FRMD5: variants seen among roughly 807,000 people sequenced by gnomAD.
FRMD5 encodes the protein FERM domain-containing protein 5.
Under a neutral mutation model 69.0 loss-of-function variants are expected in FRMD5, and 20 were observed. The observed-to-expected ratio is 0.29, with a 90% CI of 0.20 to 0.42. The LOEUF (loss-of-function observed/expected upper bound fraction) is 0.42. FRMD5 is among the 10% of genes least tolerant of loss of function. The probability of loss-of-function intolerance (pLI) is 1.00; values close to 1 mark genes in which losing one functional copy is unlikely to be tolerated. For synonymous variants in FRMD5, 271 were observed against 260.1 expected (o/e 1.04, Z -0.40); for missense variants, 595 against 708.6 (o/e 0.84, Z 1.82).
At chr15:43,990,634 G>A (rs1212552764) in intron 1 of FRMD5, among the ~76,000 whole-genome samples, 1 of 152,188 alleles carries the variant, frequency 6.6e-6, no homozygotes, top group Non-Finnish European at 1.5e-5. Context: ...TTAGGAACAC[G>A]AGGTGAGTTT....
chr15:44,003,233 C>T (rs1890290730), intron 1 of FRMD5, among the ~76,000 whole-genome samples: 1 of 152,188 alleles, frequency 6.6e-6, no homozygotes, highest in African/African-American at 2.4e-5. Context: ...TTACCACCTC[C>T]ACCACTATCA....
chr15:44,178,511 G>A (rs767770985), intron 1 of FRMD5, among the ~76,000 whole-genome samples: 2 of 152,110 alleles, frequency 1.3e-5, no homozygotes, highest in South Asian at 2.1e-4. Flanking sequence ...ATATATTGCC[G>A]ATGACAGAAT....
chr15:44,167,526 GAT>G (rs759142596), intron 1 of FRMD5, among the ~76,000 whole-genome samples: 8 of 151,994 alleles, frequency 5.3e-5, no homozygotes, highest in Admixed American at 2.6e-4. Flanking sequence ...GTGACCAAAT[GAT>G]GTCCAATCCA....
chr15:44,149,928 A>T (rs1246453930), intron 1 of FRMD5, among the ~76,000 whole-genome samples: 5 of 152,136 alleles, frequency 3.3e-5, no homozygotes, highest in Non-Finnish European at 7.4e-5. Context: ...CTAACAAACC[A>T]AATTCAGCAG....
chr15:44,016,269 A>C (rs1233057352), intron 1 of FRMD5, among the ~76,000 whole-genome samples: 1 of 152,246 alleles, frequency 6.6e-6, no homozygotes, highest in Non-Finnish European at 1.5e-5. Flanking sequence ...TGAGCAATCT[A>C]GTGGGAATTA....
chr15:44,098,640 C>T (rs2076591521), intron 1 of FRMD5, among the ~76,000 whole-genome samples: 1 of 152,056 alleles, frequency 6.6e-6, no homozygotes, highest in South Asian at 2.1e-4. Flanking sequence ...TGAACCCAAA[C>T]TGCAAATGTA....
intron 1 of FRMD5, among the ~76,000 whole-genome samples, chr15:44,136,171 C>T (rs1024552279): frequency 6.6e-6 from 1 of 151,616 alleles, no homozygotes; most frequent in South Asian, 2.1e-4. Flanking sequence ...AGCCACTACA[C>T]CTGCCTATTT....
chr15:43,981,682 C>T (rs926913249), intron 1 of FRMD5, among the ~76,000 whole-genome samples: 3 of 152,202 alleles, frequency 2.0e-5, no homozygotes, highest in African/African-American at 7.2e-5. Flanking sequence ...AAGTCAAAAG[C>T]ATTCTTGAAT....
chr15:44,001,421 A>G (rs1162854389), intron 1 of FRMD5, among the ~76,000 whole-genome samples: 2 of 151,970 alleles, frequency 1.3e-5, no homozygotes, highest in African/African-American at 4.8e-5. Flanking sequence ...ATGTAGCCCT[A>G]CTTGTTTTTG....
chr15:44,098,929 T>G (rs2076595981), intron 1 of FRMD5, among the ~76,000 whole-genome samples: 1 of 152,108 alleles, frequency 6.6e-6, no homozygotes, highest in African/African-American at 2.4e-5. Context: ...AAATGAAGAG[T>G]AGCAAACTGC....
At chr15:43,910,461 G>A (rs1396639932) in intron 4 of FRMD5, among the ~76,000 whole-genome samples, 1 of 151,080 alleles carries the variant, frequency 6.6e-6, no homozygotes, top group Non-Finnish European at 1.5e-5. Context: ...TGTGGAAACA[G>A]CCTGCAGTTA....
chr15:44,086,213 G>A (rs1469336968), intron 1 of FRMD5, among the ~76,000 whole-genome samples: 2 of 152,004 alleles, frequency 1.3e-5, no homozygotes, highest in African/African-American at 2.4e-5. Flanking sequence ...CCACTTCTAG[G>A]AATACACTCA....
At chr15:44,012,703 G>A (rs1428588068) in intron 1 of FRMD5, among the ~76,000 whole-genome samples, 2 of 150,420 alleles carry the variant, frequency 1.3e-5, no homozygotes, top group South Asian at 4.2e-4. Context: ...TATAATCTGG[G>A]TTTAACATAA....
intron 1 of FRMD5, among the ~76,000 whole-genome samples, chr15:44,056,649 T>C (rs1309637550): frequency 1.3e-5 from 2 of 152,106 alleles, no homozygotes; most frequent in Admixed American, 6.5e-5. Flanking sequence ...AAAAAGAACA[T>C]GACTGTCAAT....
At chr15:44,092,384 GC>G (rs918905882) in intron 1 of FRMD5, among the ~76,000 whole-genome samples, 1 of 152,178 alleles carries the variant, frequency 6.6e-6, no homozygotes, top group Non-Finnish European at 1.5e-5. Flanking sequence ...AATTAACGTT[GC>G]TAAGATACAG....
chr15:43,972,039 A>AAT (rs2090388565), intron 1 of FRMD5, among the ~76,000 whole-genome samples: 1 of 147,642 alleles, frequency 6.8e-6, no homozygotes, highest in African/African-American at 2.5e-5. Flanking sequence ...CTATTAAAAA[A>AAT]ATATATATTT....
intron 1 of FRMD5, among the ~76,000 whole-genome samples, chr15:44,132,097 G>C (rs2077108712): frequency 6.6e-6 from 1 of 152,144 alleles, no homozygotes; most frequent in Non-Finnish European, 1.5e-5. Context: ...TTCTCATAAG[G>C]AGTGCGCAGC....
intron 1 of FRMD5, among the ~76,000 whole-genome samples, chr15:44,151,111 A>G (rs546628759): frequency 4.9e-4 from 74 of 151,924 alleles, no homozygotes; most frequent in Middle Eastern, 6.8e-3. Flanking sequence ...AACAAAACAA[A>G]AAAGGACCGG....
intron 1 of FRMD5, among the ~76,000 whole-genome samples, chr15:44,125,156 G>A (rs2077008609): frequency 6.6e-6 from 1 of 152,108 alleles, no homozygotes; most frequent in Non-Finnish European, 1.5e-5. Flanking sequence ...AGAATAACTA[G>A]CTGGGCATTG....
Sources: gnomAD v4.1 joint callset for allele counts (sites outside exome capture counted in the v4.1 genomes callset) on GRCh38, gnomAD v4.1.1 for gene constraint, MANE v1.5 for transcripts, NCBI Gene and HGNC (gene_info 2026-07-23, HGNC 2026-07-21) for gene names.